COG5: variants seen among roughly 807,000 people sequenced by gnomAD.
COG5 encodes conserved oligomeric Golgi complex subunit 5.
Under a neutral mutation model 110.4 loss-of-function variants are expected in COG5, and 86 were observed. That is an observed-to-expected ratio of 0.78 (90% confidence interval 0.65 to 0.93). The LOEUF is 0.93. Among genes scored for constraint, COG5 ranks in the 40% least tolerant of loss-of-function variants. The pLI, the probability that COG5 is intolerant of heterozygous loss-of-function variation, is 0.00. For missense variants in COG5, 1,077 were observed against 987.0 expected (o/e 1.09, Z -1.22); for synonymous variants, 360 against 334.6 (o/e 1.08, Z -0.83).
At chr7:107,313,566 T>C (rs1458788117) in intron 11 of COG5, among the ~76,000 whole-genome samples, 1 of 152,176 alleles carries the variant, frequency 6.6e-6, no homozygotes, top group Non-Finnish European at 1.5e-5. Flanking sequence ...GTCAGCAGTA[T>C]AGTCATGTTC....
chr7:107,214,215 AAAAAT>A (rs1279290222), intron 19 of COG5, among the ~76,000 whole-genome samples: 3 of 152,214 alleles, frequency 2.0e-5, no homozygotes, highest in Admixed American at 2.0e-4. Context: ...ATAAACTGTC[AAAAAT>A]AAAAGACAAA....
At chr7:107,419,340 TA>T (rs1244437135) in intron 6 of COG5, among the ~76,000 whole-genome samples, 1 of 151,916 alleles carries the variant, frequency 6.6e-6, no homozygotes, top group African/African-American at 2.4e-5. Flanking sequence ...TCACAATATA[TA>T]AAACCAATAA....
chr7:107,301,191 T>G (rs2116933905), intron 11 of COG5, among the ~76,000 whole-genome samples: 1 of 152,260 alleles, frequency 6.6e-6, no homozygotes, highest in African/African-American at 2.4e-5. Flanking sequence ...TGAGGGAACT[T>G]TTCTGTCCTT....
chr7:107,321,156 A>G (rs957441458), intron 11 of COG5, among the ~76,000 whole-genome samples: 1 of 152,230 alleles, frequency 6.6e-6, no homozygotes, highest in Non-Finnish European at 1.5e-5. Context: ...ACAAGTATCA[A>G]TTGTATTTCT....
intron 6 of COG5, among the ~76,000 whole-genome samples, chr7:107,432,904 G>C (rs912866891): frequency 6.6e-6 from 1 of 152,018 alleles, no homozygotes; most frequent in Non-Finnish European, 1.5e-5. Flanking sequence ...TCTGTTCACA[G>C]ATGACATAAT....
At chr7:107,352,767 G>A (rs1812277847) in intron 10 of COG5, among the ~76,000 whole-genome samples, 1 of 152,132 alleles carries the variant, frequency 6.6e-6, no homozygotes, top group South Asian at 2.1e-4. Context: ...AATGCTGAAT[G>A]CTCTCCAAAT....
intron 6 of COG5, among the ~76,000 whole-genome samples, chr7:107,516,146 T>C (rs1224181823): frequency 6.6e-6 from 1 of 152,220 alleles, no homozygotes; most frequent in Non-Finnish European, 1.5e-5. Flanking sequence ...GTACAATAAA[T>C]ATGTCTGCAC....
chr7:107,406,242 A>C (rs1453332406), intron 7 of COG5, among the ~76,000 whole-genome samples: 1 of 152,176 alleles, frequency 6.6e-6, no homozygotes, highest in Non-Finnish European at 1.5e-5. Flanking sequence ...CATACAACAA[A>C]ATTATAGTTC....
At chr7:107,294,881 TTGTGTGTGTGTGTGTGTGTGTG>T (rs756358916) in intron 12 of COG5, among the ~76,000 whole-genome samples, 10 of 94,274 alleles carry the variant, frequency 1.1e-4, no homozygotes, top group Admixed American at 2.3e-4. Flanking sequence ...ATGCCTGGAT[TTGTGTGTGTGTGTGTGTGTGTG>T]TGTGTGTGTG....
chr7:107,311,398 T>G (rs1209905386), intron 11 of COG5, among the ~76,000 whole-genome samples: 1 of 94,564 alleles, frequency 1.1e-5, no homozygotes. Flanking sequence ...TTTTTTTTTT[T>G]TTTTTTGAGA....
chr7:107,508,782 A>AAC (rs1290661192), intron 6 of COG5, among the ~76,000 whole-genome samples: 1 of 152,178 alleles, frequency 6.6e-6, no homozygotes, highest in Non-Finnish European at 1.5e-5. Flanking sequence ...TACCCAGGCA[A>AAC]ACAGGGTCTG....
At chr7:107,228,071 G>A (rs1328739125) in intron 19 of COG5, among the ~76,000 whole-genome samples, 4 of 152,162 alleles carry the variant, frequency 2.6e-5, no homozygotes, top group South Asian at 2.1e-4. Flanking sequence ...GGGCTGAGGC[G>A]GGCAGATAGC....
At chr7:107,206,382 T>C (rs1018369339) in intron 21 of COG5, among the ~76,000 whole-genome samples, 1 of 152,220 alleles carries the variant, frequency 6.6e-6, no homozygotes, top group Non-Finnish European at 1.5e-5. Context: ...TAGAGAACAA[T>C]GTTTTGTGAG....
At chr7:107,355,558 AG>A (rs1178181171) in intron 10 of COG5, among the ~76,000 whole-genome samples, 1 of 152,216 alleles carries the variant, frequency 6.6e-6, no homozygotes, top group Non-Finnish European at 1.5e-5. Context: ...AAACAAACTG[AG>A]GTATAGCTAG....
At chr7:107,534,926 A>G (rs910054770) in intron 5 of COG5, among the ~76,000 whole-genome samples, 9 of 151,394 alleles carry the variant, frequency 5.9e-5, no homozygotes, top group African/African-American at 2.2e-4. Flanking sequence ...GAAGTAAAAC[A>G]CCCCTCAGGA....
intron 11 of COG5, among the ~76,000 whole-genome samples, chr7:107,305,309 G>A (rs1807620345): frequency 6.6e-6 from 1 of 152,166 alleles, no homozygotes; most frequent in Non-Finnish European, 1.5e-5. Context: ...GCCTTTGTGA[G>A]CAGGCTGCTA....
chr7:107,205,230 A>G (rs1258383022), intron 21 of COG5, among the ~76,000 whole-genome samples: 2 of 152,176 alleles, frequency 1.3e-5, no homozygotes, highest in African/African-American at 4.8e-5. Context: ...TGACTTCTGT[A>G]TCAACAGCCT....
chr7:107,559,779 T>C (rs918394592), intron 1 of COG5, among the ~76,000 whole-genome samples: 2 of 152,166 alleles, frequency 1.3e-5, no homozygotes, highest in African/African-American at 4.8e-5. Flanking sequence ...AAAAAAGCCA[T>C]TCCAAGCAAA....
At chr7:107,213,476 G>A (rs995030393) in intron 19 of COG5, among the ~76,000 whole-genome samples, 1 of 152,196 alleles carries the variant, frequency 6.6e-6, no homozygotes, top group Non-Finnish European at 1.5e-5. Context: ...AGCCCAGCCT[G>A]CCGACCTACC....
Sources: allele counts gnomAD v4.1 joint callset (sites outside exome capture counted in the v4.1 genomes callset), GRCh38; gene constraint gnomAD v4.1.1; transcripts MANE v1.5; gene names NCBI Gene and HGNC (gene_info 2026-07-23, HGNC 2026-07-21).